Variants in FCRL3 observed in about 807,000 individuals in gnomAD.
FCRL3 encodes Fc receptor like 3.
FCRL3 carries 89 observed loss-of-function variants against 75.0 expected under a neutral mutation model. That is an observed-to-expected ratio of 1.19 (90% CI 1.00 to 1.42). The LOEUF (loss-of-function observed/expected upper bound fraction) is 1.42, where lower values mean the gene tolerates loss of function less well. Among genes scored for constraint, FCRL3 ranks in the 40% most tolerant of loss-of-function variants. The pLI, the probability that FCRL3 is intolerant of heterozygous loss-of-function variation, is 0.00. For missense variants in FCRL3, 946 were observed against 880.0 expected (o/e 1.07, Z -0.95); for synonymous variants, 376 against 348.5 (o/e 1.08, Z -0.88).
chr1:157,699,164 G>A (rs1656152059), intron 3 of FCRL3, among the ~76,000 whole-genome samples: 1 of 152,208 alleles, frequency 6.6e-6, no homozygotes, highest in Non-Finnish European at 1.5e-5. Flanking sequence ...GTAAACAATG[G>A]AGGGATATAA....
At chr1:157,684,108 A>G (rs906243794) in intron 10 of FCRL3, among the ~76,000 whole-genome samples, 1 of 152,176 alleles carries the variant, frequency 6.6e-6, no homozygotes, top group South Asian at 2.1e-4. Flanking sequence ...AAAAATAACA[A>G]ATTGACAATT....
In FCRL3 at chr1:157,676,593, C is replaced by T; in HGVS notation, c.*2117G>A. On this transcript the variant is annotated 3_prime_UTR_variant, in exon 15 of 15. Coordinates refer to ENST00000368184, the MANE Select transcript of FCRL3 (RefSeq NM_052939.4). The stretch of plus-strand genomic sequence containing the variant: ...TCAAAGATAAAAGTCAAGTAGAGCA[C>T]TGCATGAGAATAATTCATTTTACAG... 1.0e-6 allele frequency: 1 copy of T among 956,038 alleles called. No individual in the cohort carries two copies. The highest frequency in any genetic ancestry group is 1.6e-6 in the Non-Finnish European group (1 of 636,546). 59.2% of individuals were successfully genotyped at this position (956,038 alleles called of 1,614,324 possible).
chr1:157,699,446 C>T (rs897688332), intron 3 of FCRL3, among the ~76,000 whole-genome samples: 1 of 151,648 alleles, frequency 6.6e-6, no homozygotes, highest in African/African-American at 2.4e-5. Context: ...TGCCTCTGTC[C>T]TTTGCTCTGC....
In FCRL3 at chr1:157,696,045, A is replaced by T; in HGVS notation, c.1127T>A (p.Val376Glu). 7 of 1,606,984 alleles carry T rather than the reference A, an allele frequency of 4.4e-6. No individual in the cohort carries two copies. The highest frequency in any genetic ancestry group is 4.2e-6 in the Non-Finnish European group (5 of 1,176,956). Residue 376 changes from valine (V) to glutamate (E), a missense_variant, in exon 7 of 15, where the codon GTG becomes GAG. Physicochemically the swap from Val to Glu is moderately radical, Grantham distance 121. Coordinates refer to ENST00000368184, the MANE Select transcript of FCRL3 (RefSeq NM_052939.4). ...TGAAAGGAATCGGAACTTACTTCTC[A>T]CGGTGACTCGAATCCACGTGCTGAG... ...PILSTWIRVT[V>E]RIPVSHPVLT...
At position 157,697,439 on chromosome 1, in the gene FCRL3, C is replaced by T. The variant is rs1301615041; in HGVS notation, c.560-15G>A. 3 of 1,528,498 alleles carry T rather than the reference C, an allele frequency of 2.0e-6. No individual in the cohort carries two copies. The highest frequency in any genetic ancestry group is 2.3e-5 in the East Asian group (1 of 44,294). 94.7% of individuals were successfully genotyped at this position (1,528,498 alleles called of 1,614,324 possible). The stretch of plus-strand genomic sequence containing the variant: ...TAGAAACAGCTCTAATGAAAAGAAA[C>T]AACATAGTCTCCAGGGTGGTGAGGC... On this transcript the variant is annotated splice_polypyrimidine_tract_variant and intron_variant, in intron 5 of 14. Coordinates refer to ENST00000368184, the MANE Select transcript of FCRL3 (RefSeq NM_052939.4).
chr1:157,687,056 G>A (rs1655220047), intron 10 of FCRL3, among the ~76,000 whole-genome samples: 1 of 151,520 alleles, frequency 6.6e-6, no homozygotes, highest in Non-Finnish European at 1.5e-5. Context: ...GAAGTCTAAT[G>A]TTGAGACCTG....
rs767404491 is a variant in FCRL3, at chr1:157,698,410, T to C, written c.272A>G (p.Asp91Gly). The change falls in exon 4 of 15, where the codon GAT (aspartate) becomes GGT (glycine). Residue 91 changes from aspartate (D) to glycine (G), a missense_variant. Asp to Gly is a moderately conservative substitution (Grantham distance 94). Coordinates refer to ENST00000368184, the MANE Select transcript of FCRL3 (RefSeq NM_052939.4). ...AGGTGAAAATTCCACATGCACGGCA[T>C]CACTGAGGGAGGATCCTCGGGTCTT... ...QCKTRGSSLS[D>G]AVHVEFSPDW... is the part of the protein sequence containing the mutation. The C allele has an allele frequency of 1.9e-6, 3 of 1,614,098 alleles. No individual in the cohort carries two copies. The highest frequency in any genetic ancestry group is 1.1e-5 in the South Asian group (1 of 91,092).
At chr1:157,692,693 A>G (rs1571208694) in intron 8 of FCRL3, among the ~76,000 whole-genome samples, 1 of 152,246 alleles carries the variant, frequency 6.6e-6, no homozygotes, top group Non-Finnish European at 1.5e-5. Flanking sequence ...AAAGATTAGT[A>G]TTTAATTTTT....
At chr1:157,696,918 G>T in intron 6 of FCRL3, 1 of 374,446 alleles carries the variant, frequency 2.7e-6, no homozygotes, top group Non-Finnish European at 4.7e-6. Context: ...TAACCCCATA[G>T]GGTTGGGCAA....
In FCRL3 at chr1:157,679,029, T is replaced by G; in HGVS notation, c.2027-56A>C. Reference sequence around the variant, plus strand: ...TAAACTGTGGGCAATATATTCCAACTTACAACGTACGCACACTGCATTCCA... The same window carrying G: ...TAAACTGTGGGCAATATATTCCAACGTACAACGTACGCACACTGCATTCCA... On this transcript the variant is annotated intron_variant, in intron 13 of 14. Coordinates refer to ENST00000368184, the MANE Select transcript of FCRL3 (RefSeq NM_052939.4). The G allele has an allele frequency of 2.5e-6, 4 of 1,583,400 alleles. No individual in the cohort carries two copies. In the South Asian group the frequency reaches 4.4e-5, roughly 18 times the overall value.
At chr1:157,681,123 G>A (rs1318815585) in intron 11 of FCRL3, 24 bp from the exon 12 acceptor site, 23 of 1,453,302 alleles carry the variant, frequency 1.6e-5, no homozygotes, top group Non-Finnish European at 2.0e-5. Context: ...GGAGAGAATG[G>A]ATTAAAAAGT....
Position 157,697,680 on chromosome 1 carries a change from G to A in FCRL3, c.538C>T (p.Pro180Ser), listed in dbSNP as rs766808305. The stretch of plus-strand genomic sequence containing the variant: ...TTACCTTGAACTTGGATATTTAGGG[G>A]TTTTGAAGTTACTTCAATGTCAAGT... ...YILDIEVTSK[P>S]LNIQVQELFL... Residue 180 changes from proline (P) to serine (S), a missense_variant, in exon 5 of 15, where the codon CCC (proline) becomes TCC (serine). Transcript: ENST00000368184. The A allele has an allele frequency of 9.9e-6, 16 of 1,613,772 alleles. No individual in the cohort carries two copies. The South Asian group carries it at 1.5e-4, about 16-fold the overall frequency.
chr1:157,696,987 C>T (rs1655950347), intron 6 of FCRL3, 153 bp downstream of exon 6: 1 of 659,818 alleles, frequency 1.5e-6, no homozygotes, highest in Non-Finnish European at 2.2e-6. Flanking sequence ...TGTTCTAGGG[C>T]TGTTAGACCA....
At position 157,678,673 on chromosome 1, in the gene FCRL3, T is replaced by C. The variant is rs79629970; in HGVS notation, c.*37A>G. 5.2e-3 allele frequency: 8,288 copies of C among 1,605,502 alleles called. 34 individuals carry two copies. Among genetic ancestry groups the C allele is most frequent in the Non-Finnish European group, 6.4e-3 (7,584 of 1,178,204 alleles). On this transcript the variant is annotated 3_prime_UTR_variant, in exon 15 of 15. Coordinates refer to ENST00000368184, the MANE Select transcript of FCRL3 (RefSeq NM_052939.4). Reference sequence around the variant, plus strand: ...TTGGAGAGAACAGAAAAAAAAATGGTGCAGGCTGTTTCCTGTGGGCCACTC... The same window carrying C: ...TTGGAGAGAACAGAAAAAAAAATGGCGCAGGCTGTTTCCTGTGGGCCACTC...
At chr1:157,690,163 C>T in intron 9 of FCRL3, 92 bp downstream of exon 9, 1 of 1,518,930 alleles carries the variant, frequency 6.6e-7, no homozygotes, top group Non-Finnish European at 8.9e-7. Context: ...ATGTTCAAAA[C>T]CTCCTTGGTG....
intron 12 of FCRL3, 103 bp from the exon 13 acceptor site, chr1:157,680,873 G>A (rs1230887498): frequency 1.4e-6 from 2 of 1,416,844 alleles, no homozygotes; most frequent in Non-Finnish European, 2.0e-6. Flanking sequence ...CCAGTGTAAT[G>A]CTAGGAATGT....
At position 157,678,200 on chromosome 1, in the gene FCRL3, A is replaced by T. The variant is rs532482257; in HGVS notation, c.*510T>A. On this transcript the variant is annotated 3_prime_UTR_variant, in exon 15 of 15. Transcript: ENST00000368184. ...ACAAAAATACACTTCAGATAGAGTC[A>T]CCTTAAATTCTTGTTCTATAACTTC... is the stretch of plus-strand genomic sequence containing the variant. 2 of 987,146 alleles carry T rather than the reference A, an allele frequency of 2.0e-6. No individual in the cohort carries two copies. Among genetic ancestry groups the T allele is most frequent in the Non-Finnish European group, 2.4e-6 (2 of 831,228 alleles). 61.1% of individuals were successfully genotyped at this position (987,146 alleles called of 1,614,324 possible). A position where few individuals can be genotyped will look rare whatever the true frequency, so the allele number is the denominator to read the frequency against.
Position 157,690,254 on chromosome 1 carries a change from C to T in FCRL3, c.1690+1G>A, listed in dbSNP as rs771650783. 6.2e-7 allele frequency: 1 copy of T among 1,614,098 alleles called. No homozygotes were observed. Among genetic ancestry groups the T allele is most frequent in the Non-Finnish European group, 8.5e-7 (1 of 1,179,938 alleles). ...CTCTAGCCCAGGTACTATTAACACA[C>T]CTGTAACATTGAGTGTCACCACTTT... On this transcript the variant is annotated splice_donor_variant, in intron 9 of 14. Transcript: ENST00000368184. LOFTEE classifies it high-confidence loss of function.
Position 157,696,141 on chromosome 1 carries a change from T to C in FCRL3, c.1031A>G (p.His344Arg). Residue 344 changes from histidine to arginine, a missense_variant, in exon 7 of 15, where the codon CAT (histidine) becomes CGT (arginine). Physicochemically the swap from His to Arg is conservative, Grantham distance 29 (BLOSUM62 0). Coordinates refer to ENST00000368184, the MANE Select transcript of FCRL3 (RefSeq NM_052939.4). ...ATCACTCTCCTTCACGGTGAGAACA[T>C]GCAGCTCTGCCAACAGGGAACGCTG... The part of the protein sequence containing the change: ...KTQRSLLAEL[H>R]VLTVKESDAG... 6.2e-7 allele frequency: 1 copy of C among 1,613,996 alleles called. No individual in the cohort carries two copies. The highest frequency in any genetic ancestry group is 8.5e-7 in the Non-Finnish European group (1 of 1,180,002).
Sources: allele counts gnomAD v4.1 joint callset (sites outside exome capture counted in the v4.1 genomes callset), GRCh38; gene constraint gnomAD v4.1.1; transcripts MANE v1.5; gene names NCBI Gene and HGNC (gene_info 2026-07-23, HGNC 2026-07-21).